FAM185A: variants seen among roughly 807,000 people sequenced by gnomAD.
The protein encoded by FAM185A is protein FAM185A.
A neutral mutation model predicts 45.7 loss-of-function variants in FAM185A; 21 were observed. That is an observed-to-expected ratio of 0.46 (90% confidence interval 0.33 to 0.66). The LOEUF (loss-of-function observed/expected upper bound fraction) is 0.66, where lower values mean the gene tolerates loss of function less well. FAM185A is among the 30% of genes least tolerant of loss of function. The pLI is 0.03. For missense variants in FAM185A, 305 were observed against 485.4 expected, an observed-to-expected ratio of 0.63 and a Z score of 3.49; for synonymous variants, 117 against 194.0, an observed-to-expected ratio of 0.60 and a Z score of 3.30.
chr7:102,763,407 T>C (rs2129434494), intron 4 of FAM185A, among the ~76,000 whole-genome samples: 2 of 152,332 alleles, frequency 1.3e-5, no homozygotes, highest in Middle Eastern at 6.8e-3. Context: ...AAGCAGACAC[T>C]CTGAAATGGA....
At chr7:102,787,076 T>C (rs1422389603) in intron 6 of FAM185A, among the ~76,000 whole-genome samples, 1 of 152,208 alleles carries the variant, frequency 6.6e-6, no homozygotes, top group Non-Finnish European at 1.5e-5. Flanking sequence ...ATGAGCTGTG[T>C]AGGACTATTG....
chr7:102,776,469 T>C (rs2129437646), intron 5 of FAM185A, among the ~76,000 whole-genome samples: 1 of 152,276 alleles, frequency 6.6e-6, no homozygotes, highest in South Asian at 2.1e-4. Flanking sequence ...AAATCAGGGT[T>C]ACCTTAATTA....
intron 5 of FAM185A, among the ~76,000 whole-genome samples, chr7:102,775,453 CTTCT>C (rs1331234766): frequency 6.6e-6 from 1 of 151,998 alleles, no homozygotes; most frequent in Non-Finnish European, 1.5e-5. Context: ...TCACCTTTGC[CTTCT>C]TTCTTGAAAA....
At chr7:102,781,676 A>C (rs570412201) in intron 6 of FAM185A, among the ~76,000 whole-genome samples, 1 of 152,212 alleles carries the variant, frequency 6.6e-6, no homozygotes, top group Non-Finnish European at 1.5e-5. Context: ...ATCATCAAAG[A>C]CCAAAGGTAG....
In FAM185A at chr7:102,787,442, C is replaced by T. The variant is rs17842496; in HGVS notation, c.1039C>T (p.Arg347Cys). The T allele has an allele frequency of 0.17, 263,995 of 1,531,624 alleles. 23,823 individuals are homozygous for T. Among genetic ancestry groups the T allele is most frequent in the Middle Eastern group, 0.22 (1,284 of 5,906 alleles). 94.9% of individuals were successfully genotyped at this position (1,531,624 alleles called of 1,614,324 possible). The change falls in exon 7 of 8, where the codon CGT becomes TGT. Residue 347 changes from arginine to cysteine, a missense_variant. This residue lies in a region of FAM185A where 66 missense variants were observed against 74.6 expected (regional missense o/e 0.89). Coordinates refer to ENST00000413034, the MANE Select transcript of FAM185A (RefSeq NM_001145268.2). ...CCATGTTCAGGAAATGGCTGAAGTT[C>T]GTAAAGATGATGTTGTAACAGTGAC... ...EVHVQEMAEV[R>C]KDDVVTVTGL...
At chr7:102,792,293 C>G (rs1294296096) in intron 7 of FAM185A, among the ~76,000 whole-genome samples, 1 of 148,080 alleles carries the variant, frequency 6.8e-6, no homozygotes, top group Non-Finnish European at 1.5e-5. Context: ...ATTCTGAGGT[C>G]AAAAGGAAAC....
chr7:102,787,237 G>A (rs1795865049), intron 6 of FAM185A, 98 bp from the exon 7 acceptor site: 1 of 939,342 alleles, frequency 1.1e-6, no homozygotes, highest in Admixed American at 3.7e-5. Context: ...TAAAAACAGT[G>A]TCTCAGGAGC....
the FAM185A span, chr7:102,822,072 G>T: frequency 3.1e-4 from 497 of 1,614,078 alleles, 1 homozygote; most frequent in Non-Finnish European, 3.8e-4. Context: ...GCATCTTAAG[G>T]ATCCGGAGTT....
chr7:102,834,105 A>AG, the FAM185A span, among the ~76,000 whole-genome samples: 1 of 110,232 alleles, frequency 9.1e-6, no homozygotes, highest in African/African-American at 4.4e-5. Context: ...AAAGAAAGAA[A>AG]GAAAGAAAGA....
Position 102,751,770 on chromosome 7 carries a change from A to T in FAM185A, c.530A>T (p.Glu177Val). ...IEGDNCKIET[E>V]HGTSILQSVK... ...GGTGATAATTGCAAAATTGAAACAG[A>T]GCATGGGACTAGTATCTTGCAGTCT... Residue 177 changes from glutamate (E) to valine (V), a missense_variant, in exon 2 of 8, where the codon GAG becomes GTG. Physicochemically the swap from Glu to Val is moderately radical, Grantham distance 121. This residue lies in a region of FAM185A where 174 missense variants were observed against 247.1 expected (regional missense o/e 0.70). Transcript: ENST00000413034. The T allele has an allele frequency of 1.3e-6, 2 of 1,551,512 alleles. No homozygotes were observed. The highest frequency in any genetic ancestry group is 1.7e-6 in the Non-Finnish European group (2 of 1,146,758).
At chr7:102,813,258 A>G (rs1797557057), downstream of FAM185A, 1 of 1,234,628 alleles carries the variant, frequency 8.1e-7, no homozygotes, top group Non-Finnish European at 1.1e-6. Flanking sequence ...TGTTATTGAG[A>G]TTCAGCTAGT....
intron 2 of FAM185A, chr7:102,755,158 A>G (rs2129432418): frequency 5.3e-6 from 2 of 374,172 alleles, no homozygotes; most frequent in Admixed American, 4.3e-5. Flanking sequence ...GCCGAAAGGA[A>G]AGGAGGCCAA....
chr7:102,801,799 C>A (rs1796809883), intron 7 of FAM185A, among the ~76,000 whole-genome samples: 1 of 152,002 alleles, frequency 6.6e-6, no homozygotes, highest in Non-Finnish European at 1.5e-5. Flanking sequence ...GTGGCGGGCA[C>A]CTGTAATCCC....
chr7:102,834,895 T>C, the FAM185A span, among the ~76,000 whole-genome samples: 1 of 151,768 alleles, frequency 6.6e-6, no homozygotes, highest in Non-Finnish European at 1.5e-5. Context: ...TGTGTGTGTG[T>C]GTGTGTGTGT....
chr7:102,787,406 A>G lies in FAM185A; in HGVS notation c.1003A>G (p.Asn335Asp). The G allele has an allele frequency of 1.3e-6, 2 of 1,537,138 alleles. No homozygotes were observed. The highest frequency in any genetic ancestry group is 1.8e-6 in the Non-Finnish European group (2 of 1,136,450). The change falls in exon 7 of 8, where the codon AAC becomes GAC. Residue 335 changes from asparagine to aspartate, a missense_variant. Coordinates refer to ENST00000413034, the MANE Select transcript of FAM185A (RefSeq NM_001145268.2). ...GTTATCAGGGAAAGAGGTTGATGTG[A>G]ACTCAGAAGTCCATGTTCAGGAAAT... The part of the protein sequence containing the change: ...LQLSGKEVDV[N>D]SEVHVQEMAE...
chr7:102,770,619 G>C (rs2129436242), intron 4 of FAM185A, among the ~76,000 whole-genome samples: 1 of 152,202 alleles, frequency 6.6e-6, no homozygotes, highest in East Asian at 1.9e-4. Flanking sequence ...CAAATCACTA[G>C]TCATCAGAGA....
At chr7:102,766,370 A>G (rs924582987) in intron 4 of FAM185A, among the ~76,000 whole-genome samples, 18 of 152,228 alleles carry the variant, frequency 1.2e-4, no homozygotes, top group African/African-American at 4.3e-4. Flanking sequence ...CTGCACTTCA[A>G]AAGTCCTTTG....
At chr7:102,813,489 T>C (rs1271314704), downstream of FAM185A, 4 of 1,614,062 alleles carry the variant, frequency 2.5e-6, no homozygotes, top group African/African-American at 2.7e-5. Flanking sequence ...TAGTGTTGTA[T>C]TCCTGCTGCT....
intron 6 of FAM185A, among the ~76,000 whole-genome samples, chr7:102,781,637 C>A (rs1795414703): frequency 2.0e-5 from 3 of 152,092 alleles, no homozygotes; most frequent in Non-Finnish European, 4.4e-5. Context: ...GAAAGGACAT[C>A]CACACAAAAA....
Sources: allele counts gnomAD v4.1 joint callset (sites outside exome capture counted in the v4.1 genomes callset), GRCh38; gene constraint gnomAD v4.1.1; regional missense constraint gnomAD v4.1.1; transcripts MANE v1.5; gene names NCBI Gene and HGNC (gene_info 2026-07-23, HGNC 2026-07-21).